The following TSHZ2 variants were observed in gnomAD, a reference collection of about 807,000 sequenced individuals.
TSHZ2 encodes teashirt zinc finger homeobox 2.
In TSHZ2, 21 loss-of-function variants were observed where a neutral mutation model predicts 74.4. The observed-to-expected ratio is 0.28, with a 90% CI of 0.20 to 0.41. The LOEUF (loss-of-function observed/expected upper bound fraction) is 0.41. Ranked by LOEUF, TSHZ2 falls within the 10% of genes least tolerant of loss-of-function variation. TSHZ2 has a pLI of 1.00. For missense variants in TSHZ2, 1,244 were observed against 1,293.5 expected, an observed-to-expected ratio of 0.96 and a Z score of 0.59; for synonymous variants, 540 against 515.3, an observed-to-expected ratio of 1.05 and a Z score of -0.65.
At chr20:53,244,042 C>A (rs1233292923) in intron 1 of TSHZ2, among the ~76,000 whole-genome samples, 1 of 151,974 alleles carries the variant, frequency 6.6e-6, no homozygotes. Context: ...TGACTTCAAG[C>A]CAGGCAAAAA....
rs1990442070 is a variant in TSHZ2 at position 53,255,307 on chromosome 20, G to C, written c.1849G>C (p.Glu617Gln). ...TGAAGCGGTGAAGGAGTGTGGGAAA[G>C]AAAGTCCCCACGAAGAGGCCTCATC... is the stretch of plus-strand genomic sequence containing the variant. ...KDEAVKECGK[E>Q]SPHEEASSFS... The change falls in exon 2 of 3, where the codon GAA (glutamate) becomes CAA (glutamine). Residue 617 changes from glutamate to glutamine, a missense_variant. Coordinates refer to ENST00000371497, the MANE Select transcript of TSHZ2 (RefSeq NM_173485.6). This position sits in a 1 kb window ranked among gnomAD's most constrained non-coding sequence, Gnocchi z 4.1. 1.2e-6 allele frequency: 2 copies of C among 1,614,156 alleles called. No homozygotes were observed. The highest frequency in any genetic ancestry group is 2.2e-5 in the East Asian group (1 of 44,880).
chr20:53,473,206 G>A lies in TSHZ2; in HGVS notation c.*9-13938G>A, dbSNP rs796112727. Among the ~76,000 whole-genome samples the A allele has an allele frequency of 3.8e-3, 554 of 145,602 alleles. 4 individuals are homozygous for A. Among genetic ancestry groups the A allele is most frequent in the South Asian group, 0.032 (140 of 4,398 alleles). On this transcript the variant is annotated intron_variant, in intron 2 of 2. Transcript: ENST00000371497. Reference sequence around the variant, plus strand: ...TGTAGGCTCCACCTCTGGGGGCAGGGCACAGACAAACAAAAAGACAGCAGT... The same window carrying A: ...TGTAGGCTCCACCTCTGGGGGCAGGACACAGACAAACAAAAAGACAGCAGT...
intron 2 of TSHZ2, among the ~76,000 whole-genome samples, chr20:53,361,630 C>T (rs982537190): frequency 2.0e-4 from 31 of 152,154 alleles, no homozygotes; most frequent in Admixed American, 2.0e-3. Context: ...TAATATCGCC[C>T]TTAGTCAGCT....
At chr20:53,143,906 C>A (rs1366641962) in intron 1 of TSHZ2, among the ~76,000 whole-genome samples, 1 of 151,996 alleles carries the variant, frequency 6.6e-6, no homozygotes, top group African/African-American at 2.4e-5. Flanking sequence ...TCAAACCAGT[C>A]TCCCTGAAAA....
chr20:53,303,067 G>A (rs1241007375), intron 2 of TSHZ2, among the ~76,000 whole-genome samples: 1 of 152,162 alleles, frequency 6.6e-6, no homozygotes, highest in African/African-American at 2.4e-5. Context: ...ATAATTTTCA[G>A]ATGTAGCGCT....
chr20:53,080,396 C>A (rs1985495390), intron 1 of TSHZ2, among the ~76,000 whole-genome samples: 1 of 152,130 alleles, frequency 6.6e-6, no homozygotes, highest in African/African-American at 2.4e-5. Flanking sequence ...GACAAAGGTA[C>A]AAGTGTACAC....
chr20:53,428,379 C>T (rs1983727569), intron 2 of TSHZ2, among the ~76,000 whole-genome samples: 1 of 152,194 alleles, frequency 6.6e-6, no homozygotes, highest in African/African-American at 2.4e-5. Flanking sequence ...AAACATGGCA[C>T]TAATTCTAAG....
chr20:53,070,348 TCTAATAGC>T (rs1025609365), intron 1 of TSHZ2, among the ~76,000 whole-genome samples: 2 of 152,194 alleles, frequency 1.3e-5, no homozygotes, highest in Non-Finnish European at 2.9e-5. Context: ...AGAAACCCTG[TCTAATAGC>T]CTATCTTAAT....
At chr20:52,980,271 A>G (rs1275344363) in intron 1 of TSHZ2, among the ~76,000 whole-genome samples, 1 of 152,198 alleles carries the variant, frequency 6.6e-6, no homozygotes, top group Non-Finnish European at 1.5e-5. Context: ...GGCAAATGAG[A>G]AGCGGTGAAG....
At chr20:53,286,497 T>C (rs775563037) in intron 2 of TSHZ2, among the ~76,000 whole-genome samples, 22 of 152,330 alleles carry the variant, frequency 1.4e-4, no homozygotes, top group Non-Finnish European at 2.9e-4. Flanking sequence ...AGGTGTCACC[T>C]TTATTGTTTT....
At chr20:53,062,465 C>A (rs1191249555) in intron 1 of TSHZ2, among the ~76,000 whole-genome samples, 2 of 152,188 alleles carry the variant, frequency 1.3e-5, no homozygotes, top group Non-Finnish European at 2.9e-5. Flanking sequence ...TGAGTTACAA[C>A]ATATACCACA....
chr20:53,190,101 A>ATATATATATATATG (rs1988694518), intron 1 of TSHZ2, among the ~76,000 whole-genome samples: 3 of 54,990 alleles, frequency 5.5e-5, no homozygotes, highest in African/African-American at 2.9e-4. Flanking sequence ...ATATATATAT[A>ATATATATATATATG]TATATATATA....
At chr20:53,190,222 A>G (rs1330792243) in intron 1 of TSHZ2, among the ~76,000 whole-genome samples, 2 of 143,574 alleles carry the variant, frequency 1.4e-5, no homozygotes, top group African/African-American at 5.2e-5. Flanking sequence ...TCTTTCTCTC[A>G]TTAAATTAAA....
intron 1 of TSHZ2, among the ~76,000 whole-genome samples, chr20:53,163,386 T>TTTTTTTA (rs57531331): frequency 1.7e-5 from 2 of 117,940 alleles, no homozygotes; most frequent in Admixed American, 8.8e-5. Context: ...TTTTTTTTTT[T>TTTTTTTA]GAGGTTTCAG....
At chr20:53,190,172 G>A (rs374049609) in intron 1 of TSHZ2, among the ~76,000 whole-genome samples, 135 of 87,922 alleles carry the variant, frequency 1.5e-3, no homozygotes, top group African/African-American at 4.8e-3. Context: ...TTTGTATATC[G>A]CTATCTGTGT....
At chr20:53,361,952 C>G (rs1981072625) in intron 2 of TSHZ2, among the ~76,000 whole-genome samples, 1 of 151,210 alleles carries the variant, frequency 6.6e-6, no homozygotes, top group South Asian at 2.1e-4. Flanking sequence ...CAGAGTCTCA[C>G]TCTGTCACCC....
chr20:53,334,792 T>C (rs1328448698), intron 2 of TSHZ2, among the ~76,000 whole-genome samples: 1 of 152,100 alleles, frequency 6.6e-6, no homozygotes, highest in East Asian at 1.9e-4. Context: ...CAAGCGATTC[T>C]CTTGCCTCAG....
intron 1 of TSHZ2, among the ~76,000 whole-genome samples, chr20:53,138,406 AC>A (rs1278953482): frequency 6.6e-6 from 1 of 150,584 alleles, no homozygotes; most frequent in Admixed American, 6.7e-5. Context: ...AAAAAAAAAA[AC>A]AATACTTCAC....
Position 53,030,394 on chromosome 20 carries a change from G to T in TSHZ2, c.40+57061G>T, listed in dbSNP as rs559002057. Among the ~76,000 whole-genome samples the T allele has an allele frequency of 2.0e-5, 3 of 150,530 alleles. No individual in the cohort carries two copies. The South Asian group carries it at 6.3e-4, about 32-fold the overall frequency. Reference sequence around the variant, plus strand: ...AGTCAACCTGGGTTTTGCCTAACAGGAAATTCACAGTTTCATCTTTCAAAA... The same window carrying T: ...AGTCAACCTGGGTTTTGCCTAACAGTAAATTCACAGTTTCATCTTTCAAAA... On this transcript the variant is annotated intron_variant, in intron 1 of 2. Transcript: ENST00000371497.
Sources: gnomAD v4.1 joint callset for allele counts (sites outside exome capture counted in the v4.1 genomes callset) on GRCh38, gnomAD v4.1.1 for gene constraint, Gnocchi (gnomAD v3.1) non-coding constraint, MANE v1.5 for transcripts, NCBI Gene and HGNC (gene_info 2026-07-23, HGNC 2026-07-21) for gene names.